The following PCCA variants were observed in gnomAD, a reference collection of about 807,000 sequenced individuals.
PCCA encodes propionyl-CoA carboxylase subunit alpha.
A neutral mutation model predicts 101.3 loss-of-function variants in PCCA; 74 were observed. The ratio of observed to expected loss-of-function variants is 0.73; its 90% CI spans 0.61 to 0.89. The LOEUF (loss-of-function observed/expected upper bound fraction) is 0.89, where lower values mean the gene tolerates loss of function less well. PCCA is among the 40% of genes least tolerant of loss of function. PCCA has a pLI of 0.00. For synonymous variants in PCCA, 294 were observed against 313.6 expected, an observed-to-expected ratio of 0.94 and a Z score of 0.66; for missense variants, 891 against 907.0, an observed-to-expected ratio of 0.98 and a Z score of 0.23.
chr13:100,515,679 ACG>A (rs200304736), intron 22 of PCCA, 112 bp downstream of exon 22: 6 of 1,327,796 alleles, frequency 4.5e-6, no homozygotes, highest in Non-Finnish European at 5.4e-6. Context: ...TACTTAACCG[ACG>A]CCCCCTAAAC....
chr13:100,346,698 C>G (rs1188824430), intron 18 of PCCA, among the ~76,000 whole-genome samples: 1 of 152,124 alleles, frequency 6.6e-6, no homozygotes, highest in African/African-American at 2.4e-5. Context: ...GGAAACCTTT[C>G]ATGAGAGGAA....
intron 18 of PCCA, 24 bp from the exon 19 acceptor site, chr13:100,368,448 C>G (rs1249614409): frequency 7.9e-7 from 1 of 1,272,274 alleles, no homozygotes; most frequent in African/African-American, 1.5e-5. Context: ...ATTATTAACT[C>G]TTTTTCTTTT....
intron 4 of PCCA, among the ~76,000 whole-genome samples, chr13:100,151,463 T>G (rs2053308514): frequency 6.6e-6 from 1 of 152,008 alleles, no homozygotes; most frequent in South Asian, 2.1e-4. Context: ...TGGTGGCGCA[T>G]GCCTGTAATC....
chr13:100,487,308 A>G (rs576455500), intron 21 of PCCA, among the ~76,000 whole-genome samples: 1 of 152,328 alleles, frequency 6.6e-6, no homozygotes, highest in South Asian at 2.1e-4. Context: ...GCAACACTCC[A>G]GGTTTCTAAC....
At chr13:100,295,566 C>G (rs1463739400) in intron 12 of PCCA, among the ~76,000 whole-genome samples, 2 of 152,226 alleles carry the variant, frequency 1.3e-5, no homozygotes, top group African/African-American at 4.8e-5. Context: ...ATCTTGAGAG[C>G]AATCTCCTAT....
At chr13:100,178,751 A>G (rs2056473070) in intron 6 of PCCA, among the ~76,000 whole-genome samples, 1 of 152,138 alleles carries the variant, frequency 6.6e-6, no homozygotes, top group Admixed American at 6.5e-5. Flanking sequence ...AAAATAATTT[A>G]GACACAAGAT....
chr13:100,514,177 A>G (rs2086673281), intron 21 of PCCA, among the ~76,000 whole-genome samples: 1 of 152,176 alleles, frequency 6.6e-6, no homozygotes, highest in Non-Finnish European at 1.5e-5. Flanking sequence ...AGACGCTTCT[A>G]TGTCTTGATT....
At chr13:100,376,100 G>C (rs2075881733) in intron 19 of PCCA, among the ~76,000 whole-genome samples, 1 of 152,154 alleles carries the variant, frequency 6.6e-6, no homozygotes, top group Non-Finnish European at 1.5e-5. Context: ...CTAACAGTCA[G>C]GCCCCTCTGC....
intron 20 of PCCA, among the ~76,000 whole-genome samples, chr13:100,428,015 G>T (rs1443948778): frequency 6.6e-6 from 1 of 152,024 alleles, no homozygotes; most frequent in Non-Finnish European, 1.5e-5. Context: ...TCAGAGAAAA[G>T]TAAGTGACTT....
intron 1 of PCCA, among the ~76,000 whole-genome samples, chr13:100,101,320 C>T (rs1189958223): frequency 3.9e-5 from 6 of 152,126 alleles, no homozygotes; most frequent in Non-Finnish European, 7.4e-5. Context: ...AATCTTATAA[C>T]CATTACAGCC....
chr13:100,322,224 A>T (rs1313873045), intron 16 of PCCA, among the ~76,000 whole-genome samples: 1 of 152,162 alleles, frequency 6.6e-6, no homozygotes, highest in Non-Finnish European at 1.5e-5. Flanking sequence ...CAGGAAACCC[A>T]CAGTAAGACG....
chr13:100,222,025 G>A (rs2059846535), intron 7 of PCCA, among the ~76,000 whole-genome samples: 1 of 151,862 alleles, frequency 6.6e-6, no homozygotes. Flanking sequence ...GTGTCCAGGT[G>A]TGAGCCACTG....
intron 12 of PCCA, among the ~76,000 whole-genome samples, chr13:100,281,873 T>A (rs2064148783): frequency 6.6e-6 from 1 of 152,238 alleles, no homozygotes; most frequent in South Asian, 2.1e-4. Context: ...GAGTGACCCT[T>A]TATATCCACT....
chr13:100,094,117 A>C (rs922507326), intron 1 of PCCA, among the ~76,000 whole-genome samples: 1 of 151,814 alleles, frequency 6.6e-6, no homozygotes, highest in African/African-American at 2.4e-5. Flanking sequence ...AATCTCAGCT[A>C]CTTGGGAGGC....
intron 4 of PCCA, among the ~76,000 whole-genome samples, chr13:100,129,118 A>G (rs1412042832): frequency 6.6e-6 from 1 of 152,196 alleles, no homozygotes; most frequent in Non-Finnish European, 1.5e-5. Flanking sequence ...CAGAAGCACA[A>G]GATGTAGGAA....
intron 19 of PCCA, among the ~76,000 whole-genome samples, chr13:100,407,623 G>A (rs964945023): frequency 6.6e-6 from 1 of 152,138 alleles, no homozygotes; most frequent in African/African-American, 2.4e-5. Flanking sequence ...TTCACATAGA[G>A]AACCTCTTCT....
intron 17 of PCCA, among the ~76,000 whole-genome samples, chr13:100,331,572 G>A (rs1266951207): frequency 1.3e-5 from 2 of 152,234 alleles, no homozygotes; most frequent in Non-Finnish European, 2.9e-5. Flanking sequence ...AGACTCAACA[G>A]AGATAACTGA....
Position 100,376,667 on chromosome 13 carries a change from T to A in PCCA, c.1746+8093T>A, listed in dbSNP as rs1333701779. On this transcript the variant is annotated intron_variant, in intron 19 of 23. Coordinates refer to ENST00000376285, the MANE Select transcript of PCCA (RefSeq NM_000282.4). The stretch of plus-strand genomic sequence containing the variant: ...AAGCCTCAATAATGGTGGATGACCC[T>A]CCCTGCCAGGTTGACTTCAGACTGC... Among the ~76,000 whole-genome samples, 5 of 152,154 alleles carry A rather than the reference T, an allele frequency of 3.3e-5. No individual in the cohort carries two copies. The South Asian group carries it at 1.0e-3, about 32-fold the overall frequency.
chr13:100,504,165 C>G (rs1016663502), intron 21 of PCCA, among the ~76,000 whole-genome samples: 3 of 152,178 alleles, frequency 2.0e-5, no homozygotes, highest in Non-Finnish European at 1.5e-5. Context: ...TGTCAAATTT[C>G]ACTTGCTCAG....
Sources: gnomAD v4.1 joint callset for allele counts (sites outside exome capture counted in the v4.1 genomes callset) on GRCh38, gnomAD v4.1.1 for gene constraint, MANE v1.5 for transcripts, NCBI Gene and HGNC (gene_info 2026-07-23, HGNC 2026-07-21) for gene names.